PREX2: variants seen among roughly 807,000 people sequenced by gnomAD.
PREX2 encodes the protein phosphatidylinositol-3,4,5-trisphosphate dependent Rac exchange factor 2.
In PREX2, 107 loss-of-function variants were observed where a neutral mutation model predicts 203.2. The ratio of observed to expected loss-of-function variants is 0.53; its 90% confidence interval spans 0.45 to 0.62. The LOEUF is 0.62. PREX2 is among the 20% of genes least tolerant of loss of function. The pLI is 0.00. For synonymous variants in PREX2, 672 were observed against 663.6 expected (o/e 1.01, Z -0.19); for missense variants, 1,777 against 1,955.9 (o/e 0.91, Z 1.72).
At chr8:68,148,163 C>G (rs1294978370) in intron 34 of PREX2, among the ~76,000 whole-genome samples, 2 of 152,178 alleles carry the variant, frequency 1.3e-5, no homozygotes, top group East Asian at 3.9e-4. Context: ...ACAAGAATTG[C>G]TTGAACCTGG....
chr8:68,099,916 T>G, intron 23 of PREX2, 73 bp downstream of exon 23: 1 of 1,317,236 alleles, frequency 7.6e-7, no homozygotes. Context: ...AAATCAATTT[T>G]TGATATTTTC....
chr8:68,083,041 C>G (rs1255422484), intron 17 of PREX2, among the ~76,000 whole-genome samples, 199 bp from the exon 18 acceptor site: 1 of 152,080 alleles, frequency 6.6e-6, no homozygotes, highest in Non-Finnish European at 1.5e-5. Context: ...GTTCTGTGTT[C>G]AAATTTAAAA....
At chr8:68,052,411 T>C (rs1808549517) in intron 8 of PREX2, among the ~76,000 whole-genome samples, 1 of 152,210 alleles carries the variant, frequency 6.6e-6, no homozygotes, top group African/African-American at 2.4e-5. Context: ...AGCATGACAG[T>C]TTACCTAAAA....
At chr8:67,996,046 G>A (rs1382869563) in intron 1 of PREX2, among the ~76,000 whole-genome samples, 1 of 151,992 alleles carries the variant, frequency 6.6e-6, no homozygotes, top group East Asian at 1.9e-4. Flanking sequence ...TTAGTTAATA[G>A]TATTTTATTC....
chr8:67,958,341 G>T (rs544053931), intron 1 of PREX2, among the ~76,000 whole-genome samples: 310 of 152,262 alleles, frequency 2.0e-3, no homozygotes, highest in Non-Finnish European at 3.5e-3. Context: ...GGAGGAGGAG[G>T]AATGTGCTAT....
chr8:68,223,786 A>G (rs1813003648), intron 38 of PREX2, among the ~76,000 whole-genome samples: 2 of 152,176 alleles, frequency 1.3e-5, no homozygotes, highest in South Asian at 4.1e-4. Context: ...GAATTACTAG[A>G]TTTCATAGAT....
chr8:68,013,334 G>A (rs1807319867), intron 1 of PREX2, among the ~76,000 whole-genome samples: 1 of 152,068 alleles, frequency 6.6e-6, no homozygotes, highest in African/African-American at 2.4e-5. Flanking sequence ...ACATCTTTGT[G>A]CCAGTGACAA....
At chr8:68,144,154 T>C (rs1811280333) in intron 33 of PREX2, among the ~76,000 whole-genome samples, 1 of 152,200 alleles carries the variant, frequency 6.6e-6, no homozygotes, top group Admixed American at 6.6e-5. Context: ...TCTTTTTCTA[T>C]GTTATGTTGG....
intron 17 of PREX2, chr8:68,082,343 C>T (rs1478787325): frequency 6.6e-6 from 1 of 152,128 alleles, no homozygotes; most frequent in African/African-American, 2.4e-5. Flanking sequence ...AAACTGTCAC[C>T]CATCCTCCTA....
chr8:68,184,392 T>C (rs1243930964), intron 35 of PREX2, among the ~76,000 whole-genome samples: 1 of 152,188 alleles, frequency 6.6e-6, no homozygotes, highest in Non-Finnish European at 1.5e-5. Context: ...TATCTAATCA[T>C]GTCTATAAAT....
intron 12 of PREX2, 72 bp downstream of exon 12, chr8:68,069,208 T>G (rs1352202868): frequency 1.3e-6 from 1 of 753,424 alleles, no homozygotes; most frequent in Non-Finnish European, 2.2e-6. Context: ...AAAAGGTAGT[T>G]GAGAAACATA....
intron 37 of PREX2, among the ~76,000 whole-genome samples, chr8:68,214,273 T>G (rs763814107): frequency 2.3e-4 from 35 of 152,192 alleles, no homozygotes; most frequent in Non-Finnish European, 1.2e-4. Context: ...GGTGGTGTAT[T>G]CCTGTAGTCC....
chr8:68,135,596 G>A (rs1811100997), intron 32 of PREX2, among the ~76,000 whole-genome samples: 1 of 152,188 alleles, frequency 6.6e-6, no homozygotes, highest in Admixed American at 6.5e-5. Flanking sequence ...TGGGGAGGAT[G>A]TGGAGAAATT....
At chr8:68,013,825 T>C (rs553489349) in intron 1 of PREX2, among the ~76,000 whole-genome samples, 4 of 152,224 alleles carry the variant, frequency 2.6e-5, no homozygotes, top group African/African-American at 7.2e-5. Flanking sequence ...GACAGGGTGC[T>C]GCTAAATAGT....
intron 1 of PREX2, among the ~76,000 whole-genome samples, chr8:67,990,574 A>T (rs1414631235): frequency 6.7e-6 from 1 of 149,830 alleles, no homozygotes; most frequent in East Asian, 2.0e-4. Context: ...CAGTGGCATG[A>T]TCTCAGCTCA....
chr8:68,222,083 A>G (rs1181041798), intron 38 of PREX2, among the ~76,000 whole-genome samples: 1 of 152,200 alleles, frequency 6.6e-6, no homozygotes, highest in Non-Finnish European at 1.5e-5. Context: ...ATAAACACAC[A>G]CACAGACACA....
At chr8:68,066,751 A>T (rs1371297340) in intron 11 of PREX2, among the ~76,000 whole-genome samples, 1 of 151,688 alleles carries the variant, frequency 6.6e-6, no homozygotes, top group African/African-American at 2.4e-5. Context: ...TTATTTGTCT[A>T]TTTTTGCCTT....
chr8:68,149,661 T>C (rs533947332), intron 34 of PREX2, among the ~76,000 whole-genome samples: 72 of 152,336 alleles, frequency 4.7e-4, no homozygotes, highest in Non-Finnish European at 8.2e-4. Flanking sequence ...TCCTGATCTG[T>C]CAGTGGTTTT....
chr8:68,156,443 C>G (rs574458868), intron 34 of PREX2, among the ~76,000 whole-genome samples: 1 of 152,086 alleles, frequency 6.6e-6, no homozygotes, highest in South Asian at 2.1e-4. Context: ...ATGTAATAGA[C>G]GTGTGTGTAT....
Sources: allele counts gnomAD v4.1 joint callset (sites outside exome capture counted in the v4.1 genomes callset), GRCh38; gene constraint gnomAD v4.1.1; transcripts MANE v1.5; gene names NCBI Gene and HGNC (gene_info 2026-07-23, HGNC 2026-07-21).